Variants in SCHIP1 observed in about 807,000 individuals in gnomAD.
SCHIP1 encodes schwannomin interacting protein 1, also known as schwannomin-interacting protein 1.
In SCHIP1, 8 loss-of-function variants were observed where a neutral mutation model predicts 29.7. The observed-to-expected ratio is 0.27, with a 90% CI of 0.16 to 0.49. SCHIP1 has a LOEUF of 0.49. Ranked by LOEUF, SCHIP1 falls within the 20% of genes least tolerant of loss-of-function variation. The pLI, the probability that SCHIP1 is intolerant of heterozygous loss-of-function variation, is 0.99. For missense variants in SCHIP1, 193 were observed against 294.6 expected, an observed-to-expected ratio of 0.66 and a Z score of 2.52; for synonymous variants, 76 against 94.9, an observed-to-expected ratio of 0.80 and a Z score of 1.16.
chr3:159,839,105 C>G (rs1318952534), upstream of SCHIP1, among the ~76,000 whole-genome samples: 2 of 151,882 alleles, frequency 1.3e-5, no homozygotes, highest in Admixed American at 1.3e-4. Flanking sequence ...GAAACTGGCC[C>G]CAGTTTTTTC....
chr3:159,491,928 C>A, the SCHIP1 span, among the ~76,000 whole-genome samples: 1 of 152,216 alleles, frequency 6.6e-6, no homozygotes, highest in African/African-American at 2.4e-5. Flanking sequence ...CAGGCAGCAG[C>A]ATTTGCAGTT....
chr3:159,569,231 A>C, the SCHIP1 span, among the ~76,000 whole-genome samples: 2 of 152,054 alleles, frequency 1.3e-5, no homozygotes, highest in South Asian at 2.1e-4. Flanking sequence ...GGTTTGATAC[A>C]TAGGTACACT....
the SCHIP1 span, among the ~76,000 whole-genome samples, chr3:159,612,670 C>A: frequency 1.3e-5 from 2 of 152,094 alleles, no homozygotes; most frequent in Non-Finnish European, 2.9e-5. Context: ...TTGCTTGAAC[C>A]GGGGAGGCGG....
At chr3:159,582,251 G>A in the SCHIP1 span, among the ~76,000 whole-genome samples, 2 of 152,140 alleles carry the variant, frequency 1.3e-5, no homozygotes, top group East Asian at 3.9e-4. Flanking sequence ...GCTCACTACA[G>A]CCTCAGTCTT....
At chr3:159,461,681 T>C in the SCHIP1 span, among the ~76,000 whole-genome samples, 1 of 151,638 alleles carries the variant, frequency 6.6e-6, no homozygotes, top group African/African-American at 2.4e-5. Context: ...GTTCAAGCAG[T>C]TCTCGGTATA....
chr3:159,662,377 G>C, the SCHIP1 span, among the ~76,000 whole-genome samples: 1 of 152,162 alleles, frequency 6.6e-6, no homozygotes, highest in Non-Finnish European at 1.5e-5. Flanking sequence ...ATTTACGTTT[G>C]AGTACTATTT....
At chr3:159,437,775 T>C in the SCHIP1 span, among the ~76,000 whole-genome samples, 4 of 152,292 alleles carry the variant, frequency 2.6e-5, no homozygotes, top group Admixed American at 2.6e-4. Flanking sequence ...ATTAGTTTTA[T>C]GAGACAAGGT....
chr3:159,369,684 C>A, the SCHIP1 span, among the ~76,000 whole-genome samples: 6 of 152,060 alleles, frequency 3.9e-5, no homozygotes, highest in Admixed American at 3.3e-4. Flanking sequence ...CATTAATAAC[C>A]ACCCAAGGGC....
At chr3:159,720,797 C>A in the SCHIP1 span, among the ~76,000 whole-genome samples, 1 of 152,118 alleles carries the variant, frequency 6.6e-6, no homozygotes, top group East Asian at 1.9e-4. Flanking sequence ...GTGGGCCAGA[C>A]TGGTTGCAAA....
At chr3:159,682,156 T>C in the SCHIP1 span, among the ~76,000 whole-genome samples, 1 of 152,220 alleles carries the variant, frequency 6.6e-6, no homozygotes, top group African/African-American at 2.4e-5. Context: ...ACTTATCCTT[T>C]CTGAGGTTTA....
At chr3:159,310,056 A>G in the SCHIP1 span, among the ~76,000 whole-genome samples, 2 of 152,312 alleles carry the variant, frequency 1.3e-5, no homozygotes, top group East Asian at 3.9e-4. Flanking sequence ...GCTTGTCACT[A>G]CCTGCTCAAA....
the SCHIP1 span, among the ~76,000 whole-genome samples, chr3:159,616,072 G>A: frequency 6.6e-6 from 1 of 151,366 alleles, no homozygotes; most frequent in Non-Finnish European, 1.5e-5. Context: ...ATGGGAATGT[G>A]GGGGACAAGT....
the SCHIP1 span, among the ~76,000 whole-genome samples, chr3:159,573,460 G>A: frequency 2.0e-5 from 3 of 152,256 alleles, no homozygotes; most frequent in Non-Finnish European, 2.9e-5. Context: ...GGCTTGTAGG[G>A]TTTCTGCTGA....
chr3:159,646,296 C>T, the SCHIP1 span, among the ~76,000 whole-genome samples: 2 of 152,190 alleles, frequency 1.3e-5, no homozygotes, highest in Admixed American at 1.3e-4. Flanking sequence ...CTTTCAGCCT[C>T]AGCTTTTAGC....
chr3:159,589,859 C>A, the SCHIP1 span, among the ~76,000 whole-genome samples: 4 of 133,658 alleles, frequency 3.0e-5, no homozygotes, highest in African/African-American at 8.3e-5. Context: ...AACAAGTGAA[C>A]CAAAAAACCT....
the SCHIP1 span, among the ~76,000 whole-genome samples, chr3:159,395,459 T>A: frequency 2.6e-5 from 4 of 152,012 alleles, no homozygotes; most frequent in South Asian, 8.3e-4. Flanking sequence ...GGGCATTTAG[T>A]GCTATAAATT....
At chr3:159,645,030 G>T in the SCHIP1 span, among the ~76,000 whole-genome samples, 1 of 152,116 alleles carries the variant, frequency 6.6e-6, no homozygotes, top group Non-Finnish European at 1.5e-5. Flanking sequence ...CAGAAGTAAG[G>T]CAGAGAACAT....
chr3:159,785,006 C>T, the SCHIP1 span, among the ~76,000 whole-genome samples: 1 of 152,288 alleles, frequency 6.6e-6, no homozygotes, highest in South Asian at 2.1e-4. Flanking sequence ...ATTTACAAAG[C>T]TCTATCAAAA....
the SCHIP1 span, among the ~76,000 whole-genome samples, chr3:159,776,164 C>T: frequency 2.0e-5 from 3 of 152,130 alleles, no homozygotes; most frequent in African/African-American, 7.2e-5. Context: ...AGTTTCAGAA[C>T]CAATTCAGTC....
Sources: gnomAD v4.1 joint callset for allele counts (sites outside exome capture counted in the v4.1 genomes callset) on GRCh38, gnomAD v4.1.1 for gene constraint, MANE v1.5 for transcripts, NCBI Gene and HGNC (gene_info 2026-07-23, HGNC 2026-07-21) for gene names.